The following CUBN variants were observed in gnomAD, a reference collection of about 807,000 sequenced individuals.
CUBN encodes the protein 460 kDa receptor.
Under a neutral mutation model 405.3 loss-of-function variants are expected in CUBN, and 282 were observed. That is an observed-to-expected ratio of 0.70 (90% CI 0.63 to 0.77). The LOEUF (loss-of-function observed/expected upper bound fraction) is 0.77, where lower values mean the gene tolerates loss of function less well. Among genes scored for constraint, CUBN ranks in the 30% least tolerant of loss-of-function variants. The pLI is 0.00. For missense variants in CUBN, 4,514 were observed against 4,475.2 expected, an observed-to-expected ratio of 1.01 and a Z score of -0.25; for synonymous variants, 1,684 against 1,617.0, an observed-to-expected ratio of 1.04 and a Z score of -0.99.
chr10:16,835,586 G>A (rs2131311050), intron 63 of CUBN, among the ~76,000 whole-genome samples: 1 of 146,966 alleles, frequency 6.8e-6, no homozygotes, highest in South Asian at 2.2e-4. Context: ...CCATTGTTGA[G>A]TTATTTGTGG....
In CUBN at chr10:16,948,532, C is replaced by T; in HGVS notation, c.5155G>A (p.Asp1719Asn). The change falls in exon 35 of 67, where the codon GAT (aspartate) becomes AAT (asparagine). Residue 1719 changes from aspartate to asparagine, a missense_variant. By Grantham distance (23) the Asp-to-Asn change is conservative. Coordinates refer to ENST00000377833, the MANE Select transcript of CUBN (RefSeq NM_001081.4). ...AAACCCCCAGCACTGATGCTAGAAT[C>T]AGAGACGAATCTCAGCGTCAGGGCG... The part of the protein sequence containing the change: ...SSALTLRFVS[D>N]SSISAGGFHT... 1 of 1,614,100 alleles carries T rather than the reference C, an allele frequency of 6.2e-7. No individual in the cohort carries two copies. Among genetic ancestry groups the T allele is most frequent in the Non-Finnish European group, 8.5e-7 (1 of 1,179,996 alleles).
intron 28 of CUBN, among the ~76,000 whole-genome samples, chr10:17,019,171 T>C (rs953469992): frequency 3.9e-5 from 6 of 152,196 alleles, no homozygotes; most frequent in Admixed American, 6.5e-5. Flanking sequence ...CACTTGCAGA[T>C]TGGCCCACCT....
intron 28 of CUBN, among the ~76,000 whole-genome samples, chr10:16,997,432 TA>T (rs11464946): frequency 0.042 from 5,157 of 122,580 alleles, 315 homozygotes; most frequent in African/African-American, 0.14. Flanking sequence ...AGACTCCATC[TA>T]AAAAAAAAAA....
At chr10:16,931,023 A>G (rs1371927805) in intron 40 of CUBN, among the ~76,000 whole-genome samples, 1 of 151,998 alleles carries the variant, frequency 6.6e-6, no homozygotes, top group Non-Finnish European at 1.5e-5. Context: ...TTGGGAGGCC[A>G]AGGTGGGCAG....
intron 59 of CUBN, among the ~76,000 whole-genome samples, chr10:16,851,787 TCTCCCTCCATCTTTCCCTCC>T (rs1180051414): frequency 2.0e-5 from 2 of 97,600 alleles, no homozygotes; most frequent in African/African-American, 8.7e-5. Flanking sequence ...TCTTTCCCTC[TCTCCCTCCATCTTTCCCTCC>T]CTCCCTCTAT....
chr10:17,107,707 C>T (rs967768655), intron 10 of CUBN, among the ~76,000 whole-genome samples: 5 of 151,966 alleles, frequency 3.3e-5, no homozygotes, highest in African/African-American at 1.2e-4. Flanking sequence ...CCATGTTGGC[C>T]AGGATGGTCT....
At chr10:17,122,175 A>G (rs1837058554) in intron 6 of CUBN, 1 of 154,918 alleles carries the variant, frequency 6.5e-6, no homozygotes, top group East Asian at 1.9e-4. Flanking sequence ...TTTCCTGCAG[A>G]AAGTGATGCC....
rs778643272 is a variant in CUBN, at chr10:16,898,949, G to T, written c.8598+47C>A. 3.6e-6 allele frequency: 5 copies of T among 1,372,896 alleles called. No homozygotes were observed. The South Asian group carries it at 5.8e-5, about 16-fold the overall frequency. 85.0% of individuals were successfully genotyped at this position (1,372,896 alleles called of 1,614,324 possible). On this transcript the variant is annotated intron_variant, in intron 54 of 66. Transcript: ENST00000377833. ...AATCATTTCTAGCTTAAACACTAATGTTCACAAAACCAACTTGGCTCCAAT... is the reference window on the plus strand; with the variant it reads ...AATCATTTCTAGCTTAAACACTAATTTTCACAAAACCAACTTGGCTCCAAT...
chr10:16,966,008 A>T (rs1310102169), intron 31 of CUBN: 1 of 471,078 alleles, frequency 2.1e-6, no homozygotes, highest in Non-Finnish European at 4.4e-6. Flanking sequence ...AGTTGTATTC[A>T]TTCAGTTAGA....
chr10:16,952,326 T>G lies in CUBN; in HGVS notation c.4919A>C (p.Asn1640Thr), dbSNP rs1842942721. The change falls in exon 33 of 67, where the codon AAT becomes ACT. Residue 1640 changes from asparagine to threonine, a missense_variant. Asn to Thr is a moderately conservative substitution (Grantham distance 65). Coordinates refer to ENST00000377833, the MANE Select transcript of CUBN (RefSeq NM_001081.4). ...DTVSSPRFPA[N>T]YPNNQNCSWI... ...GCTGCAGTTCTGATTGTTTGGATAATTGGCAGGGAACCGTGGAGAGGAAAC... is the reference window on the plus strand; with the variant it reads ...GCTGCAGTTCTGATTGTTTGGATAAGTGGCAGGGAACCGTGGAGAGGAAAC... 6.2e-7 allele frequency: 1 copy of G among 1,613,866 alleles called. No homozygotes were observed. The highest frequency in any genetic ancestry group is 8.5e-7 in the Non-Finnish European group (1 of 1,179,916).
chr10:17,078,497 A>C (rs945901051), intron 17 of CUBN, among the ~76,000 whole-genome samples: 5 of 152,200 alleles, frequency 3.3e-5, no homozygotes, highest in Non-Finnish European at 5.9e-5. Context: ...TGAAGTCAGT[A>C]GCTCTGTTCT....
intron 22 of CUBN, among the ~76,000 whole-genome samples, chr10:17,050,328 T>C (rs564560682): frequency 1.3e-5 from 2 of 152,348 alleles, no homozygotes; most frequent in South Asian, 4.1e-4. Context: ...AGGAAACTCA[T>C]GATGTACGAC....
At chr10:16,924,513 T>C (rs1230037344) in intron 43 of CUBN, among the ~76,000 whole-genome samples, 1 of 152,176 alleles carries the variant, frequency 6.6e-6, no homozygotes, top group African/African-American at 2.4e-5. Context: ...TTTACATATA[T>C]ATATATATGA....
At chr10:17,018,919 C>T (rs941217865) in intron 28 of CUBN, among the ~76,000 whole-genome samples, 6 of 152,142 alleles carry the variant, frequency 3.9e-5, no homozygotes, top group African/African-American at 1.4e-4. Flanking sequence ...TTTAGCTAGA[C>T]AGAAAAGTTC....
chr10:16,944,293 A>G (rs1044349251), intron 36 of CUBN, among the ~76,000 whole-genome samples: 4 of 152,238 alleles, frequency 2.6e-5, no homozygotes, highest in African/African-American at 9.6e-5. Context: ...GAAGCAGAAG[A>G]AAACAATTTA....
At chr10:17,085,280 C>T (rs932931127) in intron 16 of CUBN, among the ~76,000 whole-genome samples, 35 of 152,156 alleles carry the variant, frequency 2.3e-4, no homozygotes, top group African/African-American at 8.2e-4. Flanking sequence ...TGCTCGCATG[C>T]ACAAACCTCT....
chr10:17,109,559 G>T, intron 10 of CUBN, 81 bp downstream of exon 10: 2 of 1,142,410 alleles, frequency 1.8e-6, no homozygotes, highest in South Asian at 2.5e-5. Flanking sequence ...TGAGAACAGA[G>T]GATTTTGTGT....
intron 48 of CUBN, among the ~76,000 whole-genome samples, chr10:16,912,352 A>G (rs1418542399): frequency 4.6e-5 from 7 of 152,212 alleles, no homozygotes. Flanking sequence ...ACAATTATTT[A>G]TCTCTATTAT....
rs150659522 is a variant in CUBN, at chr10:16,925,652, C to T, written c.6394G>A (p.Val2132Ile). 1.2e-6 allele frequency: 2 copies of T among 1,613,966 alleles called. No individual in the cohort carries two copies. Among genetic ancestry groups the T allele is most frequent in the African/African-American group, 2.7e-5 (2 of 74,998 alleles). The stretch of plus-strand genomic sequence containing the variant: ...ATCTGGAAAGGCTGTTCAAAATGGA[C>T]AGCAATGGTCAGGCCACTTTGGACC... ...VLVQSGLTIA[V>I]HFEQPFQIPN... Residue 2132 changes from valine to isoleucine, a missense_variant, in exon 42 of 67, where the codon GTC becomes ATC. By Grantham distance (29) the Val-to-Ile change is conservative. Coordinates refer to ENST00000377833, the MANE Select transcript of CUBN (RefSeq NM_001081.4).
Sources: allele counts gnomAD v4.1 joint callset (sites outside exome capture counted in the v4.1 genomes callset), GRCh38; gene constraint gnomAD v4.1.1; transcripts MANE v1.5; gene names NCBI Gene and HGNC (gene_info 2026-07-23, HGNC 2026-07-21).